APBA2: variants seen among roughly 807,000 people sequenced by gnomAD.
APBA2 encodes amyloid beta precursor protein binding family A member 2.
In APBA2, 30 loss-of-function variants were observed where a neutral mutation model predicts 75.0. The observed-to-expected ratio is 0.40, with a 90% CI of 0.30 to 0.54. The LOEUF (loss-of-function observed/expected upper bound fraction) is 0.54, where lower values mean the gene tolerates loss of function less well. Among genes scored for constraint, APBA2 ranks in the 20% least tolerant of loss-of-function variants. The pLI is 0.49. For missense variants in APBA2, 801 were observed against 1,016.1 expected (o/e 0.79, Z 2.88); for synonymous variants, 444 against 409.6 (o/e 1.08, Z -1.01).
intron 1 of APBA2, among the ~76,000 whole-genome samples, chr15:28,899,137 G>A (rs1042708453): frequency 2.0e-5 from 3 of 152,206 alleles, no homozygotes; most frequent in African/African-American, 4.8e-5. Flanking sequence ...AACTCATCGG[G>A]GGCAGCCCCA....
chr15:29,031,558 C>T (rs1044662484), intron 3 of APBA2, among the ~76,000 whole-genome samples: 1 of 152,136 alleles, frequency 6.6e-6, no homozygotes, highest in African/African-American at 2.4e-5. Flanking sequence ...CAACCTCTGC[C>T]TCCCCGGTTC....
intron 10 of APBA2, chr15:29,102,482 C>G (rs555436395): frequency 1.4e-3 from 223 of 154,474 alleles, no homozygotes; most frequent in Non-Finnish European, 2.5e-3. Context: ...TGGCTGGGCA[C>G]GGTAGTTCAT....
rs180703691 is a variant in APBA2 at position 28,886,746 on chromosome 15, T to G, written c.-205+468T>G. On this transcript the variant is annotated intron_variant, in intron 1 of 14. Coordinates refer to ENST00000683413, the MANE Select transcript of APBA2 (RefSeq NM_001353788.2). ...CCCCAGAGAACCCAAGCCCAGATCT[T>G]CGCCCCCTTCCCTTTCCCTTTATAA... is the stretch of plus-strand genomic sequence containing the variant. Among the ~76,000 whole-genome samples, 363 of 152,276 alleles carry G rather than the reference T, an allele frequency of 2.4e-3. 3 individuals are homozygous for G. Among genetic ancestry groups the G allele is most frequent in the Non-Finnish European group, 3.6e-3 (244 of 68,006 alleles).
chr15:29,081,209 G>T (rs2043070135), intron 6 of APBA2, among the ~76,000 whole-genome samples: 1 of 152,168 alleles, frequency 6.6e-6, no homozygotes, highest in Non-Finnish European at 1.5e-5. Flanking sequence ...AACCTGTTCA[G>T]ATAAGACTCT....
intron 2 of APBA2, among the ~76,000 whole-genome samples, chr15:28,948,672 G>C (rs2152718154): frequency 6.6e-6 from 1 of 152,282 alleles, no homozygotes; most frequent in South Asian, 2.1e-4. Flanking sequence ...TGGTCTTACT[G>C]TACCTGTTGT....
chr15:29,074,919 A>G lies in APBA2; in HGVS notation c.952-2A>G. On this transcript the variant is annotated splice_acceptor_variant, in intron 4 of 14. Coordinates refer to ENST00000683413, the MANE Select transcript of APBA2 (RefSeq NM_001353788.2). LOFTEE classifies it high-confidence loss of function. ...CACGATCTTTAACTTCCCCGTTTCC[A>G]GGTTTGCAATGGTCTGGAGCAGCCA... 6.2e-7 allele frequency: 1 copy of G among 1,613,926 alleles called. No homozygotes were observed. Among genetic ancestry groups the G allele is most frequent in the Non-Finnish European group, 8.5e-7 (1 of 1,179,860 alleles).
Position 28,973,304 on chromosome 15 carries a change from A to T in APBA2, c.-94-22449A>T, listed in dbSNP as rs189715009. 1.8e-3 allele frequency among the ~76,000 whole-genome samples: 268 copies of T among 152,346 alleles called. 1 individual carries two copies. The highest frequency in any genetic ancestry group is 6.4e-3 in the African/African-American group (266 of 41,578). ...AATTTGAAGAGTAAGAGCACAGATG[A>T]TGAGATTGGATATTTTTGTTTGATT... On this transcript the variant is annotated intron_variant, in intron 2 of 14. Coordinates refer to ENST00000683413, the MANE Select transcript of APBA2 (RefSeq NM_001353788.2).
At position 29,118,285 on chromosome 15, in the gene APBA2, A is replaced by T. The variant is rs556633492; in HGVS notation, c.*1152A>T. On this transcript the variant is annotated 3_prime_UTR_variant, in exon 15 of 15. Coordinates refer to ENST00000683413, the MANE Select transcript of APBA2 (RefSeq NM_001353788.2). Reference sequence around the variant, plus strand: ...CTACCCGTAGGAAGACTTCGCGCATATCACTAATAAACCTGAAGTCGTGAT... The same window carrying T: ...CTACCCGTAGGAAGACTTCGCGCATTTCACTAATAAACCTGAAGTCGTGAT... 6.6e-6 allele frequency: 1 copy of T among 152,450 alleles called. No individual in the cohort carries two copies. Among genetic ancestry groups the T allele is most frequent in the African/African-American group, 2.4e-5 (1 of 41,476 alleles). 9.4% of individuals were successfully genotyped at this position (152,450 alleles called of 1,614,324 possible). A position where few individuals can be genotyped will look rare whatever the true frequency, so the allele number is the denominator to read the frequency against.
chr15:28,946,858 C>T (rs957898783), intron 2 of APBA2, among the ~76,000 whole-genome samples: 12 of 152,182 alleles, frequency 7.9e-5, no homozygotes, highest in Non-Finnish European at 1.8e-4. Context: ...GGATTATAGG[C>T]GTGAGCCACT....
At chr15:29,115,938 C>T (rs1173093045) in intron 14 of APBA2, among the ~76,000 whole-genome samples, 1 of 151,834 alleles carries the variant, frequency 6.6e-6, no homozygotes, top group Non-Finnish European at 1.5e-5. Flanking sequence ...GGCCAGCATG[C>T]CTGCGGCAGC....
At chr15:29,044,131 A>T (rs2041187182) in intron 3 of APBA2, among the ~76,000 whole-genome samples, 1 of 152,154 alleles carries the variant, frequency 6.6e-6, no homozygotes, top group Non-Finnish European at 1.5e-5. Flanking sequence ...ATACGTTTTC[A>T]CCCAGCCTGT....
chr15:29,054,157 TGAG>T lies in APBA2; in HGVS notation c.284_286del (p.Glu95del). On this transcript the variant is annotated inframe_deletion, in exon 4 of 15. Transcript: ENST00000683413. The surrounding 1 kb of genome is among the most constrained non-coding windows in gnomAD (Gnocchi z 6.1). ...AGGAGGACTATGACGAGGGCCTCCC[TGAG>T]GAGGAGGAGGGCATCACCTACTACA... The T allele has an allele frequency of 1.2e-6, 2 of 1,614,084 alleles. No homozygotes were observed. The highest frequency in any genetic ancestry group is 1.7e-6 in the Non-Finnish European group (2 of 1,179,992).
chr15:28,990,349 T>A (rs2038159732), intron 2 of APBA2: 1 of 150,116 alleles, frequency 6.7e-6, no homozygotes, highest in Non-Finnish European at 1.5e-5. Flanking sequence ...TGGGAGAGGT[T>A]GCAGTGAGCT....
chr15:29,093,297 G>A (rs538550598), intron 7 of APBA2, 77 bp downstream of exon 7: 74 of 1,568,536 alleles, frequency 4.7e-5, no homozygotes, highest in African/African-American at 3.5e-4. Flanking sequence ...ATGGCGGGGC[G>A]TAGGCCCTCT....
At chr15:29,022,548 T>C (rs2040004549) in intron 3 of APBA2, among the ~76,000 whole-genome samples, 1 of 152,218 alleles carries the variant, frequency 6.6e-6, no homozygotes, top group South Asian at 2.1e-4. Context: ...TTGCAAAGTT[T>C]ATAACCCATT....
At chr15:28,995,957 T>C (rs947964076) in intron 3 of APBA2, among the ~76,000 whole-genome samples, 151 bp downstream of exon 3, 3 of 152,136 alleles carry the variant, frequency 2.0e-5, no homozygotes, top group African/African-American at 7.2e-5. Flanking sequence ...GTGTGTGAGC[T>C]TGGGGAGTTT....
chr15:28,921,459 G>C (rs2033966983), intron 1 of APBA2, among the ~76,000 whole-genome samples, 181 bp from the exon 2 acceptor site: 1 of 152,162 alleles, frequency 6.6e-6, no homozygotes, highest in African/African-American at 2.4e-5. Flanking sequence ...CAGATATTCA[G>C]CTGCTCTGGA....
In APBA2 at chr15:28,963,179, G is replaced by C. The variant is rs28564039; in HGVS notation, c.-94-32574G>C. Among the ~76,000 whole-genome samples the C allele has an allele frequency of 3.3e-5, 5 of 152,140 alleles. No individual in the cohort carries two copies. In the South Asian group the frequency reaches 6.2e-4, roughly 19 times the overall value. On this transcript the variant is annotated intron_variant, in intron 2 of 14. Transcript: ENST00000683413. ...TTTTAAAGAATATTTTTCTAATTACGTTTGTTTGTTTGGTCTGGCCTGATG... is the reference window on the plus strand; with the variant it reads ...TTTTAAAGAATATTTTTCTAATTACCTTTGTTTGTTTGGTCTGGCCTGATG...
At chr15:29,111,008 C>T (rs145712638) in intron 13 of APBA2, among the ~76,000 whole-genome samples, 2,225 of 151,862 alleles carry the variant, frequency 0.015, 22 homozygotes, top group Non-Finnish European at 0.02. Flanking sequence ...GGTGGTGGTG[C>T]GGAAGGGGGT....
Sources: gnomAD v4.1 joint callset for allele counts (sites outside exome capture counted in the v4.1 genomes callset) on GRCh38, gnomAD v4.1.1 for gene constraint, Gnocchi (gnomAD v3.1) non-coding constraint, MANE v1.5 for transcripts, NCBI Gene and HGNC (gene_info 2026-07-23, HGNC 2026-07-21) for gene names.